LRBA: variants seen among roughly 807,000 people sequenced by gnomAD.
LRBA encodes the protein lipopolysaccharide-responsive and beige-like anchor protein.
Under a neutral mutation model 330.0 loss-of-function variants are expected in LRBA, and 176 were observed. The ratio of observed to expected loss-of-function variants is 0.53; its 90% CI spans 0.47 to 0.60. The LOEUF (loss-of-function observed/expected upper bound fraction) is 0.60. Ranked by LOEUF, LRBA falls within the 20% of genes least tolerant of loss-of-function variation. LRBA has a pLI of 0.00. For missense variants in LRBA, 3,259 were observed against 3,444.8 expected, an observed-to-expected ratio of 0.95 and a Z score of 1.35; for synonymous variants, 1,230 against 1,193.0, an observed-to-expected ratio of 1.03 and a Z score of -0.64.
intron 8 of LRBA, among the ~76,000 whole-genome samples, 170 bp downstream of exon 8, chr4:150,915,438 T>C (rs1209628718): frequency 6.6e-6 from 1 of 152,138 alleles, no homozygotes; most frequent in Non-Finnish European, 1.5e-5. Context: ...CAAGGACTAA[T>C]ATTTCAGTGA....
chr4:150,918,892 C>A (rs1035338499), intron 5 of LRBA, among the ~76,000 whole-genome samples: 8 of 152,148 alleles, frequency 5.3e-5, no homozygotes, highest in African/African-American at 1.9e-4. Context: ...TAAACAAAGA[C>A]CATATGACCT....
At chr4:150,377,628 C>T (rs1226696949) in intron 47 of LRBA, among the ~76,000 whole-genome samples, 1 of 152,012 alleles carries the variant, frequency 6.6e-6, no homozygotes, top group Non-Finnish European at 1.5e-5. Flanking sequence ...CATGTACCCA[C>T]TTAGGAGATC....
At chr4:150,863,505 T>C (rs538212400) in intron 22 of LRBA, among the ~76,000 whole-genome samples, 5 of 152,096 alleles carry the variant, frequency 3.3e-5, no homozygotes, top group African/African-American at 1.2e-4. Flanking sequence ...CTACTAAAAA[T>C]ACAAAAATTA....
At chr4:150,798,035 C>A (rs777838050) in intron 34 of LRBA, 46 bp downstream of exon 34, 3 of 1,270,932 alleles carry the variant, frequency 2.4e-6, no homozygotes, top group South Asian at 1.3e-5. Context: ...AAAACAAATT[C>A]ATGTGATAAT....
At chr4:150,956,527 A>C (rs556379776) in intron 2 of LRBA, among the ~76,000 whole-genome samples, 25 of 149,208 alleles carry the variant, frequency 1.7e-4, no homozygotes, top group Admixed American at 4.6e-4. Context: ...AGCTAAATCT[A>C]TGAGGCCGGT....
intron 47 of LRBA, among the ~76,000 whole-genome samples, chr4:150,354,205 A>T (rs1323504385): frequency 6.6e-6 from 1 of 152,158 alleles, no homozygotes; most frequent in African/African-American, 2.4e-5. Context: ...CATAAAACCT[A>T]TATTAAAATA....
At chr4:150,689,570 A>G (rs1166467015) in intron 36 of LRBA, among the ~76,000 whole-genome samples, 1 of 152,198 alleles carries the variant, frequency 6.6e-6, no homozygotes, top group Non-Finnish European at 1.5e-5. Flanking sequence ...CAACTACTTT[A>G]CCATAAAGAA....
At chr4:150,875,274 C>T (rs577494693) in intron 17 of LRBA, among the ~76,000 whole-genome samples, 1 of 152,152 alleles carries the variant, frequency 6.6e-6, no homozygotes, top group Non-Finnish European at 1.5e-5. Context: ...GTAGGAGACC[C>T]TCTCCATTTC....
intron 37 of LRBA, among the ~76,000 whole-genome samples, chr4:150,666,352 A>C (rs1781554816): frequency 6.6e-6 from 1 of 152,054 alleles, no homozygotes; most frequent in Non-Finnish European, 1.5e-5. Context: ...TCTCTACTAA[A>C]AATACAAAAA....
At chr4:150,725,903 TGTGAA>T (rs1452026759) in intron 36 of LRBA, among the ~76,000 whole-genome samples, 1 of 152,166 alleles carries the variant, frequency 6.6e-6, no homozygotes, top group African/African-American at 2.4e-5. Flanking sequence ...ATGCAATCAG[TGTGAA>T]GTGAAGTTGC....
intron 36 of LRBA, among the ~76,000 whole-genome samples, chr4:150,688,702 G>A (rs1783842078): frequency 6.6e-6 from 1 of 152,156 alleles, no homozygotes; most frequent in African/African-American, 2.4e-5. Flanking sequence ...ATGAAAAAAA[G>A]CTCATCATCA....
chr4:150,820,024 G>A (rs1745198033), intron 30 of LRBA, among the ~76,000 whole-genome samples: 1 of 151,892 alleles, frequency 6.6e-6, no homozygotes, highest in Non-Finnish European at 1.5e-5. Flanking sequence ...TGCCTCCTCT[G>A]CCAAGATGCT....
At chr4:150,902,791 A>G (rs1730890951) in intron 13 of LRBA, among the ~76,000 whole-genome samples, 1 of 152,192 alleles carries the variant, frequency 6.6e-6, no homozygotes, top group Admixed American at 6.5e-5. Context: ...CTCTCCACGG[A>G]TAACACCAGA....
At chr4:150,437,863 GAT>G (rs1471099218) in intron 44 of LRBA, among the ~76,000 whole-genome samples, 1 of 152,166 alleles carries the variant, frequency 6.6e-6, no homozygotes, top group Non-Finnish European at 1.5e-5. Flanking sequence ...CTTAGCATAA[GAT>G]AAAGCTTAAT....
At chr4:150,624,292 C>CAA (rs1488117211) in intron 37 of LRBA, among the ~76,000 whole-genome samples, 1 of 126,892 alleles carries the variant, frequency 7.9e-6, no homozygotes, top group Non-Finnish European at 1.7e-5. Context: ...ATAACAATGC[C>CAA]AAACCCTACC....
At chr4:150,856,666 A>C (rs942112875) in intron 22 of LRBA, among the ~76,000 whole-genome samples, 1 of 152,212 alleles carries the variant, frequency 6.6e-6, no homozygotes, top group Admixed American at 6.5e-5. Flanking sequence ...ATTGCAATTG[A>C]ACAACTATCA....
chr4:150,904,331 TTA>T (rs1430781179), intron 13 of LRBA, among the ~76,000 whole-genome samples: 1 of 152,200 alleles, frequency 6.6e-6, no homozygotes, highest in African/African-American at 2.4e-5. Flanking sequence ...CTGCCCTTTT[TTA>T]TGACTGTCTT....
chr4:150,885,200 CAAA>C (rs34720483), intron 17 of LRBA, among the ~76,000 whole-genome samples: 15 of 114,498 alleles, frequency 1.3e-4, no homozygotes, highest in Non-Finnish European at 2.5e-4. Context: ...ACAAGAGTTC[CAAA>C]AAAAAAAAAA....
chr4:150,954,095 C>T (rs535959868), intron 2 of LRBA, among the ~76,000 whole-genome samples: 4 of 151,276 alleles, frequency 2.6e-5, no homozygotes, highest in African/African-American at 4.9e-5. Context: ...GCAGCCGCCC[C>T]GTCTGGGAAG....
Sources: allele counts gnomAD v4.1 joint callset (sites outside exome capture counted in the v4.1 genomes callset), GRCh38; gene constraint gnomAD v4.1.1; transcripts MANE v1.5; gene names NCBI Gene and HGNC (gene_info 2026-07-23, HGNC 2026-07-21).